ITGA6: variants seen among roughly 807,000 people sequenced by gnomAD.
ITGA6 encodes the protein integrin alpha-6.
In ITGA6, 63 loss-of-function variants were observed where a neutral mutation model predicts 133.6. That is an observed-to-expected ratio of 0.47 (90% CI 0.38 to 0.58). ITGA6 has a LOEUF of 0.58. Ranked by LOEUF, ITGA6 falls within the 20% of genes least tolerant of loss-of-function variation. The pLI, the probability that ITGA6 is intolerant of heterozygous loss-of-function variation, is 0.00. For synonymous variants in ITGA6, 434 were observed against 482.0 expected, an observed-to-expected ratio of 0.90 and a Z score of 1.30; for missense variants, 1,068 against 1,309.4, an observed-to-expected ratio of 0.82 and a Z score of 2.85.
intron 1 of ITGA6, among the ~76,000 whole-genome samples, chr2:172,446,315 C>G (rs1020240389): frequency 6.6e-6 from 1 of 152,106 alleles, no homozygotes; most frequent in South Asian, 2.1e-4. Flanking sequence ...AATTTAAAGT[C>G]GCTTTTTCCT....
Position 172,427,633 on chromosome 2 carries a change from G to A in ITGA6, c.-156G>A, listed in dbSNP as rs886055127. 7.8e-7 allele frequency: 1 copy of A among 1,288,328 alleles called. No individual in the cohort carries two copies. The highest frequency in any genetic ancestry group is 9.8e-7 in the Non-Finnish European group (1 of 1,020,854). 79.8% of individuals were successfully genotyped at this position (1,288,328 alleles called of 1,614,324 possible). ...GAGCTGCCCGCGAGGGGGAGCGGCC[G>A]GACGGAGAGCGCGACCCGTCCCGGG... is the stretch of plus-strand genomic sequence containing the variant. On this transcript the variant is annotated 5_prime_UTR_variant, in exon 1 of 26. Coordinates refer to ENST00000684293, the MANE Select transcript of ITGA6 (RefSeq NM_000210.4).
At chr2:172,474,527 A>G (rs1421099536) in intron 6 of ITGA6, among the ~76,000 whole-genome samples, 1 of 152,216 alleles carries the variant, frequency 6.6e-6, no homozygotes, top group African/African-American at 2.4e-5. Flanking sequence ...TAAAATTTGA[A>G]AAAAATTGAC....
At position 172,486,359 on chromosome 2, in the gene ITGA6, G is replaced by A. The variant is rs138953280; in HGVS notation, c.1855-664G>A. ...ACCAAATATAGTTCCTTATATTTCT[G>A]TATACTTTTATGTACTTTTATTATT... On this transcript the variant is annotated intron_variant, in intron 13 of 25. Coordinates refer to ENST00000684293, the MANE Select transcript of ITGA6 (RefSeq NM_000210.4). Among the ~76,000 whole-genome samples the A allele has an allele frequency of 9.1e-3, 1,382 of 152,000 alleles. 5 individuals are homozygous for A. The highest frequency in any genetic ancestry group is 0.021 in the Middle Eastern group (6 of 292).
At chr2:172,459,921 G>T (rs1360342094) in intron 1 of ITGA6, among the ~76,000 whole-genome samples, 2 of 152,172 alleles carry the variant, frequency 1.3e-5, no homozygotes, top group Non-Finnish European at 2.9e-5. Flanking sequence ...ATTTAACGCG[G>T]GTATGGCTTG....
intron 1 of ITGA6, among the ~76,000 whole-genome samples, chr2:172,449,922 CAAAAAAAAAAAA>C (rs753594850): frequency 9.0e-5 from 7 of 77,680 alleles, no homozygotes; most frequent in East Asian, 3.2e-4. Context: ...ACTTCCTCTC[CAAAAAAAAAAAA>C]AAAAAAAAAG....
chr2:172,504,497 G>C lies in ITGA6; in HGVS notation c.*429G>C, dbSNP rs531108176. ...CTGCCGTAATTTAACTTTCTGGGTT[G>C]CCTTTATTTTTGGCGTGGCTGACTT... On this transcript the variant is annotated 3_prime_UTR_variant, in exon 26 of 26. Transcript: ENST00000684293. The C allele has an allele frequency of 5.3e-5, 19 of 361,810 alleles. 1 individual carries two copies. The highest frequency in any genetic ancestry group is 4.0e-4 in the African/African-American group (19 of 47,742). The allele number at this position is 361,810 out of a possible 1,614,324, so 22.4% of individuals were successfully genotyped here.
chr2:172,489,317 C>T (rs1050423262), intron 19 of ITGA6, among the ~76,000 whole-genome samples, 168 bp from the exon 20 acceptor site: 1 of 152,176 alleles, frequency 6.6e-6, no homozygotes, highest in Non-Finnish European at 1.5e-5. Context: ...AATCTTTAGG[C>T]ACAAGTCTTT....
chr2:172,448,649 T>C (rs543663983), intron 1 of ITGA6, among the ~76,000 whole-genome samples: 1 of 152,338 alleles, frequency 6.6e-6, no homozygotes, highest in African/African-American at 2.4e-5. Context: ...TCTAGTCTTT[T>C]GAATGTGGAG....
intron 23 of ITGA6, among the ~76,000 whole-genome samples, chr2:172,492,472 A>T (rs78353037): frequency 0.024 from 3,602 of 152,284 alleles, 144 homozygotes; most frequent in African/African-American, 0.082. Context: ...TTGCAAAGTA[A>T]TTCTGAATCT....
At position 172,506,348 on chromosome 2, in the gene ITGA6, C is replaced by G. The variant is rs1485962713; in HGVS notation, c.*2280C>G. The G allele has an allele frequency of 6.6e-6, 1 of 152,378 alleles. No individual in the cohort carries two copies. Among genetic ancestry groups the G allele is most frequent in the Non-Finnish European group, 1.5e-5 (1 of 68,032 alleles). 9.4% of individuals were successfully genotyped at this position (152,378 alleles called of 1,614,324 possible). A position where few individuals can be genotyped will look rare whatever the true frequency, so the allele number is the denominator to read the frequency against. On this transcript the variant is annotated 3_prime_UTR_variant, in exon 26 of 26. Coordinates refer to ENST00000684293, the MANE Select transcript of ITGA6 (RefSeq NM_000210.4). ...TCAGCCAAAGATACTAGTGCCAAAG[C>G]AATGGGATTCGGGGTTTTTTTCTGT...
intron 24 of ITGA6, 71 bp downstream of exon 24, chr2:172,498,171 T>C: frequency 1.4e-6 from 2 of 1,430,828 alleles, no homozygotes; most frequent in South Asian, 2.3e-5. Context: ...GAATCAGCAC[T>C]GATAGTACGT....
intron 25 of ITGA6, chr2:172,503,581 C>T (rs920965022): frequency 2.0e-5 from 3 of 152,188 alleles, no homozygotes; most frequent in African/African-American, 7.2e-5. Flanking sequence ...ACTAGAGCCT[C>T]AGAGGAGAGA....
chr2:172,432,158 A>G (rs761570034), intron 1 of ITGA6, among the ~76,000 whole-genome samples: 8 of 152,236 alleles, frequency 5.3e-5, no homozygotes, highest in Middle Eastern at 3.2e-3. Flanking sequence ...CTTAGATGAC[A>G]GGGTCAATTG....
In ITGA6 at chr2:172,449,373, A is replaced by C. The variant is rs373015257; in HGVS notation, c.183-16166A>C. Among the ~76,000 whole-genome samples, 6 of 152,206 alleles carry C rather than the reference A, an allele frequency of 3.9e-5. No individual in the cohort carries two copies. The East Asian group carries it at 5.8e-4, about 15-fold the overall frequency. On this transcript the variant is annotated intron_variant, in intron 1 of 25. Coordinates refer to ENST00000684293, the MANE Select transcript of ITGA6 (RefSeq NM_000210.4). The stretch of plus-strand genomic sequence containing the variant: ...TTGGCGAAGAAAAATATTGGGATGC[A>C]TGAATAATATCTACCTAAGGTACCT...
At position 172,471,040 on chromosome 2, in the gene ITGA6, A is replaced by T; in HGVS notation, c.710A>T (p.Tyr237Phe). The change falls in exon 5 of 26, where the codon TAT becomes TTT. Residue 237 changes from tyrosine to phenylalanine, a missense_variant. By Grantham distance (22) the Tyr-to-Phe change is conservative (BLOSUM62 3). Around this residue, in one of 3 missense-constraint regions of ITGA6, gnomAD observed 317 missense variants for 456.9 expected, o/e 0.69. Coordinates refer to ENST00000684293, the MANE Select transcript of ITGA6 (RefSeq NM_000210.4). ...ATGAACATCTTTGAAGATGGGCCTTATGAAGTTGGTGGAGAGACTGAGCAT... is the reference window on the plus strand; with the variant it reads ...ATGAACATCTTTGAAGATGGGCCTTTTGAAGTTGGTGGAGAGACTGAGCAT... Reference protein sequence around the residue: ...FDMNIFEDGPYEVGGETEHDE... With the variant: ...FDMNIFEDGPFEVGGETEHDE... 1 of 1,614,128 alleles carries T rather than the reference A, an allele frequency of 6.2e-7. No individual in the cohort carries two copies. Among genetic ancestry groups the T allele is most frequent in the Non-Finnish European group, 8.5e-7 (1 of 1,179,966 alleles).
intron 1 of ITGA6, among the ~76,000 whole-genome samples, chr2:172,450,921 A>G (rs910470703): frequency 2.1e-4 from 31 of 147,040 alleles, no homozygotes; most frequent in Non-Finnish European, 3.9e-4. Context: ...TATATAAATT[A>G]TATAAATTTA....
At chr2:172,450,855 T>A (rs1313035610) in intron 1 of ITGA6, among the ~76,000 whole-genome samples, 1 of 147,032 alleles carries the variant, frequency 6.8e-6, no homozygotes, top group Non-Finnish European at 1.5e-5. Context: ...AATTTATGTA[T>A]TTATATAATA....
At chr2:172,474,663 G>T (rs1390742515) in intron 6 of ITGA6, among the ~76,000 whole-genome samples, 1 of 152,286 alleles carries the variant, frequency 6.6e-6, no homozygotes, top group South Asian at 2.1e-4. Flanking sequence ...TGCCAGTTGG[G>T]GGGGTTAGAA....
intron 3 of ITGA6, 93 bp downstream of exon 3, chr2:172,467,653 ATT>A: frequency 3.0e-6 from 3 of 984,902 alleles, no homozygotes; most frequent in Non-Finnish European, 4.8e-6. Context: ...GGGAGCATAC[ATT>A]CTAGCGAACT....
Sources: allele counts gnomAD v4.1 joint callset (sites outside exome capture counted in the v4.1 genomes callset), GRCh38; gene constraint gnomAD v4.1.1; regional missense constraint gnomAD v4.1.1; transcripts MANE v1.5; gene names NCBI Gene and HGNC (gene_info 2026-07-23, HGNC 2026-07-21).